The following CHD9 variants were observed in gnomAD, a reference collection of about 807,000 sequenced individuals.
The protein encoded by CHD9 is chromodomain helicase DNA binding protein 9.
In CHD9, 77 loss-of-function variants were observed where a neutral mutation model predicts 316.1. The ratio of observed to expected loss-of-function variants is 0.24; its 90% CI spans 0.20 to 0.29. The LOEUF is 0.29. CHD9 is among the 10% of genes least tolerant of loss of function. The probability of loss-of-function intolerance (pLI) is 1.00; values close to 1 mark genes in which losing one functional copy is unlikely to be tolerated. For missense variants in CHD9, 2,763 were observed against 3,438.1 expected, an observed-to-expected ratio of 0.80 and a Z score of 4.91; for synonymous variants, 1,129 against 1,158.3, an observed-to-expected ratio of 0.97 and a Z score of 0.51.
intron 20 of CHD9, 28 bp from the exon 21 acceptor site, chr16:53,267,266 T>G: frequency 6.7e-7 from 1 of 1,483,748 alleles, no homozygotes; most frequent in Non-Finnish European, 9.1e-7. Flanking sequence ...TAAAAGTACC[T>G]TCAGGTAATA....
chr16:53,281,980 T>G (rs1408299055), intron 24 of CHD9, among the ~76,000 whole-genome samples: 1 of 152,208 alleles, frequency 6.6e-6, no homozygotes, highest in Admixed American at 6.5e-5. Flanking sequence ...CATTACAATT[T>G]AAGCTGCTTG....
Position 53,314,035 on chromosome 16 carries a change from A to T in CHD9, c.7223-342A>T, listed in dbSNP as rs542698075. 7.3e-4 allele frequency among the ~76,000 whole-genome samples: 111 copies of T among 152,046 alleles called. 2 individuals are homozygous for T. Among genetic ancestry groups the T allele is most frequent in the South Asian group, 5.4e-3 (26 of 4,814 alleles). ...AAAGCAGAGATAAATGATTTTTTTT[A>T]AAAAAACAAGCTTTTGAAAGTATAG... On this transcript the variant is annotated intron_variant, in intron 34 of 38. Coordinates refer to ENST00000447540, the MANE Select transcript of CHD9 (RefSeq NM_001308319.2).
intron 1 of CHD9, among the ~76,000 whole-genome samples, chr16:53,091,966 C>G (rs868099432): frequency 7.9e-5 from 12 of 152,200 alleles, no homozygotes; most frequent in African/African-American, 2.9e-4. Context: ...TTCACCCAGC[C>G]GAGAGCAGCG....
At chr16:53,074,483 G>A (rs772041856) in intron 1 of CHD9, among the ~76,000 whole-genome samples, 10 of 152,188 alleles carry the variant, frequency 6.6e-5, no homozygotes, top group African/African-American at 1.9e-4. Flanking sequence ...AGACCTTTGC[G>A]GCAGCCTCTC....
In CHD9 at chr16:53,245,670, C is replaced by T. The variant is rs2049524380; in HGVS notation, c.3274C>T (p.Pro1092Ser). The T allele has an allele frequency of 1.2e-6, 2 of 1,607,996 alleles. No homozygotes were observed. Among genetic ancestry groups the T allele is most frequent in the African/African-American group, 2.7e-5 (2 of 74,522 alleles). ...LKEDVEKKLA[P>S]KEETIIEVEL... ...AGAAGATGTGGAAAAGAAGTTGGCA[C>T]CTAAAGAAGAAACCATCATTGAAGT... is the stretch of plus-strand genomic sequence containing the variant. The change falls in exon 15 of 39, where the codon CCT becomes TCT. Residue 1092 changes from proline to serine, a missense_variant. Pro to Ser is a moderately conservative substitution (Grantham distance 74). Coordinates refer to ENST00000447540, the MANE Select transcript of CHD9 (RefSeq NM_001308319.2). This position sits in a 1 kb window ranked among gnomAD's most constrained non-coding sequence, Gnocchi z 4.1.
intron 1 of CHD9, among the ~76,000 whole-genome samples, chr16:53,058,597 G>C (rs564728554): frequency 6.6e-6 from 1 of 152,332 alleles, no homozygotes; most frequent in South Asian, 2.1e-4. Flanking sequence ...GTGTGGTGGT[G>C]AAAGGGAGAG....
At chr16:53,313,502 TG>T (rs1305815377) in intron 34 of CHD9, among the ~76,000 whole-genome samples, 1 of 151,996 alleles carries the variant, frequency 6.6e-6, no homozygotes, top group Non-Finnish European at 1.5e-5. Context: ...GACGTGTTTT[TG>T]CCATGTTGGC....
intron 1 of CHD9, among the ~76,000 whole-genome samples, chr16:53,137,901 A>G (rs1002914797): frequency 6.6e-6 from 1 of 152,190 alleles, no homozygotes; most frequent in African/African-American, 2.4e-5. Flanking sequence ...AAGAATGATG[A>G]AATATACATC....
chr16:53,155,093 G>A (rs1040936522), intron 1 of CHD9, among the ~76,000 whole-genome samples: 1 of 152,036 alleles, frequency 6.6e-6, no homozygotes, highest in Non-Finnish European at 1.5e-5. Context: ...TATTTTCTTT[G>A]AGAAGACACA....
intron 1 of CHD9, among the ~76,000 whole-genome samples, chr16:53,125,218 A>ATTTTTTTTTTTT (rs34096444): frequency 1.0e-5 from 1 of 95,758 alleles, no homozygotes; most frequent in Non-Finnish European, 2.0e-5. Context: ...TCAAGTTAGG[A>ATTTTTTTTTTTT]TTTTTTTTTT....
chr16:53,105,000 A>C (rs904619209), intron 1 of CHD9, among the ~76,000 whole-genome samples: 1 of 141,238 alleles, frequency 7.1e-6, no homozygotes, highest in East Asian at 2.1e-4. Context: ...AAAAAACAAA[A>C]AAACAAAAAA....
At chr16:53,306,935 C>G (rs2056037038) in intron 32 of CHD9, among the ~76,000 whole-genome samples, 1 of 152,160 alleles carries the variant, frequency 6.6e-6, no homozygotes, top group African/African-American at 2.4e-5. Flanking sequence ...ACCCACCACC[C>G]TACCTGGCTA....
intron 1 of CHD9, among the ~76,000 whole-genome samples, chr16:53,060,002 C>T (rs1346895660): frequency 6.6e-6 from 1 of 152,110 alleles, no homozygotes; most frequent in Admixed American, 6.5e-5. Context: ...CATAATTTTT[C>T]TGTGTCACAA....
rs1182133912 is a variant in CHD9 at position 53,318,305 on chromosome 16, C to T, written c.7678C>T (p.Arg2560Cys). 3.1e-6 allele frequency: 5 copies of T among 1,608,460 alleles called. No individual in the cohort carries two copies. The highest frequency in any genetic ancestry group is 4.2e-6 in the Non-Finnish European group (5 of 1,177,986). ...LDVNSLTGEE[R>C]VQLINRRNAR... The stretch of plus-strand genomic sequence containing the variant: ...TGTGAATAGTCTCACTGGAGAAGAA[C>T]GTGTTCAACTGATTAACAGAAGAAA... Residue 2560 changes from arginine (R) to cysteine (C), a missense_variant, in exon 37 of 39, where the codon CGT becomes TGT. Arg to Cys is a radical substitution (Grantham distance 180, BLOSUM62 -3). Coordinates refer to ENST00000447540, the MANE Select transcript of CHD9 (RefSeq NM_001308319.2).
chr16:53,063,033 T>G (rs1457317970), intron 1 of CHD9, among the ~76,000 whole-genome samples: 1 of 151,862 alleles, frequency 6.6e-6, no homozygotes, highest in African/African-American at 2.4e-5. Context: ...AAAAATAAAA[T>G]AAAAAATAAA....
chr16:53,246,318 C>CT (rs201264700), intron 15 of CHD9, among the ~76,000 whole-genome samples: 7 of 152,148 alleles, frequency 4.6e-5, no homozygotes, highest in Non-Finnish European at 8.8e-5. Context: ...TCTCTACTCA[C>CT]TTTATTCAAG....
At chr16:53,308,254 T>G (rs565351889) in intron 33 of CHD9, among the ~76,000 whole-genome samples, 6 of 152,328 alleles carry the variant, frequency 3.9e-5, no homozygotes, top group African/African-American at 1.4e-4. Flanking sequence ...AGTATGTCAG[T>G]GTACTTTCTG....
At chr16:53,304,692 T>G in intron 31 of CHD9, 67 bp downstream of exon 31, 1 of 853,742 alleles carries the variant, frequency 1.2e-6, no homozygotes, top group East Asian at 4.3e-5. Flanking sequence ...TCTTTTCTTT[T>G]CTTTTTTTTT....
At chr16:53,261,655 G>A (rs1257026981) in intron 19 of CHD9, among the ~76,000 whole-genome samples, 1 of 152,106 alleles carries the variant, frequency 6.6e-6, no homozygotes, top group Non-Finnish European at 1.5e-5. Flanking sequence ...GGGATTTACA[G>A]ACGTGAGCCA....
Sources: allele counts gnomAD v4.1 joint callset (sites outside exome capture counted in the v4.1 genomes callset), GRCh38; gene constraint gnomAD v4.1.1; non-coding constraint Gnocchi (gnomAD v3.1); transcripts MANE v1.5; gene names NCBI Gene and HGNC (gene_info 2026-07-23, HGNC 2026-07-21).